Variants in FBXO38 observed in about 807,000 individuals in gnomAD.
The protein encoded by FBXO38 is F-box only protein 38.
FBXO38 carries 53 observed loss-of-function variants against 131.9 expected under a neutral mutation model. The observed-to-expected ratio is 0.40, with a 90% CI of 0.32 to 0.51. The LOEUF is 0.51. Ranked by LOEUF, FBXO38 falls within the 20% of genes least tolerant of loss-of-function variation. The probability of loss-of-function intolerance (pLI) is 0.53; values close to 1 mark genes in which losing one functional copy is unlikely to be tolerated. For synonymous variants in FBXO38, 452 were observed against 505.6 expected (o/e 0.89, Z 1.42); for missense variants, 1,076 against 1,475.6 (o/e 0.73, Z 4.44).
Position 148,433,485 on chromosome 5 carries a change from T to C in FBXO38, c.2715T>C (p.Thr905=), listed in dbSNP as rs748376542. The change falls in exon 16 of 22, where the codon ACT becomes ACC. Residue 905 remains threonine, a synonymous_variant. Transcript: ENST00000340253. The part of the protein sequence containing the change: ...MKRKRTADKS[T]STSDPVIEDD... Reference sequence around the variant, plus strand: ...GGAAGCGGACAGCAGATAAATCCACTAGTACAAGTGATCCTGTGATCGAGG... The same window carrying C: ...GGAAGCGGACAGCAGATAAATCCACCAGTACAAGTGATCCTGTGATCGAGG... The C allele has an allele frequency of 6.2e-7, 1 of 1,613,768 alleles. No individual in the cohort carries two copies. Among genetic ancestry groups the C allele is most frequent in the African/African-American group, 1.3e-5 (1 of 74,898 alleles).
chr5:148,416,167 T>G (rs1447893151), intron 11 of FBXO38, 97 bp downstream of exon 11: 1 of 1,229,930 alleles, frequency 8.1e-7, no homozygotes, highest in Non-Finnish European at 1.1e-6. Flanking sequence ...ATGATATGCC[T>G]TTACGGTGTT....
chr5:148,415,819 G>C (rs1263269724), intron 10 of FBXO38, 109 bp from the exon 11 acceptor site: 1 of 1,177,030 alleles, frequency 8.5e-7, no homozygotes, highest in Non-Finnish European at 1.2e-6. Context: ...AAAAGGAAAA[G>C]TTATTTTAAA....
chr5:148,395,923 T>G (rs1264591310), intron 2 of FBXO38, among the ~76,000 whole-genome samples: 2 of 152,158 alleles, frequency 1.3e-5, no homozygotes, highest in Non-Finnish European at 2.9e-5. Flanking sequence ...GGATTTTCCA[T>G]TATTTTAGGT....
chr5:148,409,349 C>G, intron 8 of FBXO38, 132 bp downstream of exon 8: 1 of 651,010 alleles, frequency 1.5e-6, no homozygotes, highest in Non-Finnish European at 2.8e-6. Context: ...ATTTAAAATA[C>G]GAAGAAGTCC....
At chr5:148,386,261 A>G (rs951337549) in intron 1 of FBXO38, among the ~76,000 whole-genome samples, 1 of 152,188 alleles carries the variant, frequency 6.6e-6, no homozygotes, top group Non-Finnish European at 1.5e-5. Flanking sequence ...CCACAGTGAC[A>G]GAGGACTGAC....
rs1753771576 is a variant in FBXO38 at position 148,427,399 on chromosome 5, C to T, written c.2105C>T (p.Pro702Leu). ...PEKKKNKDVY[P>L]SCSSTTASTV... ...AAGAAAAAAAACAAGGATGTTTATC[C>T]CAGCTGCAGCAGCACCACCGCCAGC... The change falls in exon 15 of 22, where the codon CCC (proline) becomes CTC (leucine). Residue 702 changes from proline to leucine, a missense_variant. Coordinates refer to ENST00000340253, the MANE Select transcript of FBXO38 (RefSeq NM_205836.3). 6.2e-7 allele frequency: 1 copy of T among 1,613,980 alleles called. No homozygotes were observed. The highest frequency in any genetic ancestry group is 1.7e-5 in the Admixed American group (1 of 59,998).
At chr5:148,394,990 C>T (rs1758405050) in intron 2 of FBXO38, 86 bp downstream of exon 2, 24 of 1,232,388 alleles carry the variant, frequency 1.9e-5, no homozygotes, top group Non-Finnish European at 2.6e-5. Context: ...TAGCTACCAG[C>T]TACATGCAGC....
intron 1 of FBXO38, 147 bp downstream of exon 1, chr5:148,384,186 C>T (rs1358287440): frequency 6.6e-6 from 1 of 152,364 alleles, no homozygotes; most frequent in African/African-American, 2.4e-5. Flanking sequence ...GCCTAGAGCT[C>T]CTTGAGAGAT....
chr5:148,390,686 G>C (rs1033889051), intron 1 of FBXO38, among the ~76,000 whole-genome samples: 1 of 152,120 alleles, frequency 6.6e-6, no homozygotes, highest in Admixed American at 6.6e-5. Flanking sequence ...GTAAATATTT[G>C]TTAACTCTCA....
intron 15 of FBXO38, chr5:148,430,337 T>TA: frequency 7.3e-6 from 1 of 137,240 alleles, no homozygotes; most frequent in Non-Finnish European, 1.6e-5. Context: ...TATTTTTTTT[T>TA]TATTTTTTTT....
rs886513309 is a variant in FBXO38, at chr5:148,442,704, T to G, written c.*557T>G. 2 of 152,144 alleles carry G rather than the reference T, an allele frequency of 1.3e-5. No homozygotes were observed. The highest frequency in any genetic ancestry group is 2.9e-5 in the Non-Finnish European group (2 of 68,048). 9.4% of individuals were successfully genotyped at this position (152,144 alleles called of 1,614,324 possible). A position where few individuals can be genotyped will look rare whatever the true frequency, so the allele number is the denominator to read the frequency against. ...GTTTCTTAAAATCAAGTAAAAAGAC[T>G]TATGAGCTTAAAAAAAAGTGAGTTT... On this transcript the variant is annotated 3_prime_UTR_variant, in exon 22 of 22. Transcript: ENST00000340253.
chr5:148,423,194 T>C (rs554326389), intron 12 of FBXO38, among the ~76,000 whole-genome samples: 1 of 152,328 alleles, frequency 6.6e-6, no homozygotes, highest in South Asian at 2.1e-4. Context: ...TTTGCCAGAA[T>C]GTGTGCATCC....
chr5:148,402,443 T>C lies in FBXO38; in HGVS notation c.522T>C (p.Ala174=), dbSNP rs1383329017. 1 of 1,612,898 alleles carries C rather than the reference T, an allele frequency of 6.2e-7. No individual in the cohort carries two copies. The highest frequency in any genetic ancestry group is 8.5e-7 in the Non-Finnish European group (1 of 1,179,286). The part of the protein sequence containing the change: ...ILGKFRNRNG[A]FPIPPENKLK... ...GGAAATTTCGTAATCGTAATGGAGC[T>C]TTTCCAATTCCTCCTGAAAATAAAC... is the stretch of plus-strand genomic sequence containing the variant. Residue 174 remains alanine, a synonymous_variant, in exon 5 of 22, where the codon GCT becomes GCC. Coordinates refer to ENST00000340253, the MANE Select transcript of FBXO38 (RefSeq NM_205836.3).
rs1002186449 is a variant in FBXO38 at position 148,427,961 on chromosome 5, C to T, written c.2653+14C>T. The T allele has an allele frequency of 1.3e-6, 2 of 1,489,564 alleles. No individual in the cohort carries two copies. Among genetic ancestry groups the T allele is most frequent in the Admixed American group, 2.4e-5 (1 of 41,764 alleles). 92.3% of individuals were successfully genotyped at this position (1,489,564 alleles called of 1,614,324 possible). On this transcript the variant is annotated intron_variant, in intron 15 of 21. Transcript: ENST00000340253. ...TATCTGAGTCAGGTATGACAATGCT[C>T]CTAGGATTAGCAACTGCAGGGTAGG...
At chr5:148,396,334 T>C (rs1758477153) in intron 2 of FBXO38, among the ~76,000 whole-genome samples, 1 of 152,136 alleles carries the variant, frequency 6.6e-6, no homozygotes, top group Admixed American at 6.5e-5. Flanking sequence ...GCTGGACAGT[T>C]GGGTAAAGGA....
At chr5:148,389,497 C>T (rs1183526308) in intron 1 of FBXO38, among the ~76,000 whole-genome samples, 3 of 152,180 alleles carry the variant, frequency 2.0e-5, no homozygotes, top group African/African-American at 4.8e-5. Context: ...TCTCTAATGC[C>T]GATAACTGGA....
chr5:148,385,146 G>A (rs1427382423), intron 1 of FBXO38: 1 of 152,174 alleles, frequency 6.6e-6, no homozygotes, highest in Non-Finnish European at 1.5e-5. Context: ...AAATCCGCTT[G>A]TAATTTTTAA....
chr5:148,389,343 A>G (rs910275284), intron 1 of FBXO38, among the ~76,000 whole-genome samples: 4 of 152,244 alleles, frequency 2.6e-5, no homozygotes, highest in African/African-American at 9.6e-5. Context: ...AACTTGCCTG[A>G]CGCAGTGTTG....
At chr5:148,396,309 G>A (rs1758476502) in intron 2 of FBXO38, among the ~76,000 whole-genome samples, 1 of 152,120 alleles carries the variant, frequency 6.6e-6, no homozygotes, top group Non-Finnish European at 1.5e-5. Context: ...ATTCTAAAAT[G>A]TTTTGGAAAA....
Sources: allele counts gnomAD v4.1 joint callset (sites outside exome capture counted in the v4.1 genomes callset), GRCh38; gene constraint gnomAD v4.1.1; transcripts MANE v1.5; gene names NCBI Gene and HGNC (gene_info 2026-07-23, HGNC 2026-07-21).